TMEM245: variants seen among roughly 807,000 people sequenced by gnomAD.
The protein encoded by TMEM245 is transmembrane protein 245.
A neutral mutation model predicts 101.2 loss-of-function variants in TMEM245; 69 were observed. The ratio of observed to expected loss-of-function variants is 0.68; its 90% CI spans 0.56 to 0.83. TMEM245 has a LOEUF of 0.83. Among genes scored for constraint, TMEM245 ranks in the 40% least tolerant of loss-of-function variants. TMEM245 has a pLI of 0.00. For synonymous variants in TMEM245, 537 were observed against 449.8 expected, an observed-to-expected ratio of 1.19 and a Z score of -2.45; for missense variants, 1,075 against 1,092.8, an observed-to-expected ratio of 0.98 and a Z score of 0.23.
chr9:109,113,918 C>T (rs7031429), intron 1 of TMEM245, among the ~76,000 whole-genome samples: 22,147 of 152,078 alleles, frequency 0.15, 1,838 homozygotes, highest in African/African-American at 0.2. Flanking sequence ...GGTGGAACCC[C>T]GTCTCTACTA....
At chr9:109,065,601 A>C in intron 9 of TMEM245, among the ~76,000 whole-genome samples, 1 of 152,166 alleles carries the variant, frequency 6.6e-6, no homozygotes, top group South Asian at 2.1e-4. Context: ...TGGCCTCCTC[A>C]TTCTTCTGTT....
chr9:109,042,909 A>C (rs1828360091), intron 14 of TMEM245, among the ~76,000 whole-genome samples: 1 of 139,734 alleles, frequency 7.2e-6, no homozygotes, highest in African/African-American at 2.7e-5. Context: ...GCAGTGGTGC[A>C]ATCCTGGCTC....
Position 109,019,215 on chromosome 9 carries a change from G to C in TMEM245, c.*1245C>G, listed in dbSNP as rs1044905. On this transcript the variant is annotated 3_prime_UTR_variant, in exon 18 of 18. Coordinates refer to ENST00000374586, the MANE Select transcript of TMEM245 (RefSeq NM_032012.4). ...ACAAATGGATAGCAACACCAATCTCGTAACACTGGGAAAACTGCATACAAT... is the reference window on the plus strand; with the variant it reads ...ACAAATGGATAGCAACACCAATCTCCTAACACTGGGAAAACTGCATACAAT... 2.0e-5 allele frequency: 3 copies of C among 151,994 alleles called. No homozygotes were observed. The highest frequency in any genetic ancestry group is 1.3e-4 in the Admixed American group (2 of 15,262). The allele number at this position is 151,994 out of a possible 1,614,324, so 9.4% of individuals were successfully genotyped here.
rs974410071 is a variant in TMEM245 at position 109,057,267 on chromosome 9, T to C, written c.1778A>G (p.Asn593Ser). ...GTCCAGAATGTCTCCCAGCCAGCTA[T>C]TCTGACGACTGACATGCAACTTCTG... ...KGQKLHVSRQ[N>S]SWLGDILDWQ... Residue 593 changes from asparagine (N) to serine (S), a missense_variant, in exon 12 of 18, where the codon AAT (asparagine) becomes AGT (serine). Asn to Ser is a conservative substitution (Grantham distance 46, BLOSUM62 1). Transcript: ENST00000374586. 8.7e-6 allele frequency: 14 copies of C among 1,614,046 alleles called. No individual in the cohort carries two copies. Among genetic ancestry groups the C allele is most frequent in the Non-Finnish European group, 1.2e-5 (14 of 1,180,002 alleles).
At chr9:109,039,736 G>C (rs1035053911) in intron 14 of TMEM245, among the ~76,000 whole-genome samples, 1 of 152,082 alleles carries the variant, frequency 6.6e-6, no homozygotes, top group African/African-American at 2.4e-5. Flanking sequence ...GAGAGGTAAT[G>C]AAATCATTTC....
At chr9:109,072,341 C>T (rs572846525) in intron 9 of TMEM245, among the ~76,000 whole-genome samples, 1 of 152,348 alleles carries the variant, frequency 6.6e-6, no homozygotes, top group South Asian at 2.1e-4. Flanking sequence ...TAAAGATATG[C>T]TGTTTGAGCA....
chr9:109,042,799 T>G (rs1230674351), intron 14 of TMEM245, among the ~76,000 whole-genome samples: 1 of 151,874 alleles, frequency 6.6e-6, no homozygotes, highest in Non-Finnish European at 1.5e-5. Flanking sequence ...TTTTTTAACT[T>G]TTCTTCTTTC....
At chr9:109,097,132 C>A (rs1830162229) in intron 3 of TMEM245, among the ~76,000 whole-genome samples, 1 of 152,144 alleles carries the variant, frequency 6.6e-6, no homozygotes, top group Non-Finnish European at 1.5e-5. Context: ...TTGAAAGATG[C>A]CATCCTTTAA....
Position 109,119,388 on chromosome 9 carries a change from C to G in TMEM245, c.526G>C (p.Val176Leu), listed in dbSNP as rs943360210. Residue 176 changes from valine (V) to leucine (L), a missense_variant, in exon 1 of 18, where the codon GTG becomes CTG. Val to Leu is a conservative substitution (Grantham distance 32, BLOSUM62 1). Coordinates refer to ENST00000374586, the MANE Select transcript of TMEM245 (RefSeq NM_032012.4). The part of the protein sequence containing the change: ...GSYLGVQVLL[V>L]HAATLICRGL... ...CGGCAGATGAGCGTGGCAGCGTGCACCAGCAGCACCTGCACGCCCAAGTAG... is the reference window on the plus strand; with the variant it reads ...CGGCAGATGAGCGTGGCAGCGTGCAGCAGCAGCACCTGCACGCCCAAGTAG... 12 of 1,528,952 alleles carry G rather than the reference C, an allele frequency of 7.8e-6. No individual in the cohort carries two copies. In the Admixed American group the frequency reaches 2.2e-4, roughly 28 times the overall value. The allele number at this position is 1,528,952 out of a possible 1,614,324, so 94.7% of individuals were successfully genotyped here.
chr9:109,077,118 G>A (rs1420208818), intron 8 of TMEM245, among the ~76,000 whole-genome samples: 1 of 151,322 alleles, frequency 6.6e-6, no homozygotes, highest in Non-Finnish European at 1.5e-5. Context: ...TGTTAATTAG[G>A]TCAAGTTGAC....
intron 17 of TMEM245, among the ~76,000 whole-genome samples, chr9:109,025,742 G>C: frequency 6.8e-6 from 1 of 147,640 alleles, no homozygotes; most frequent in East Asian, 2.1e-4. Context: ...GGGTGTTTTT[G>C]CCTTTCCCTA....
intron 11 of TMEM245, among the ~76,000 whole-genome samples, chr9:109,060,148 A>G (rs1464098224): frequency 6.6e-6 from 1 of 152,240 alleles, no homozygotes; most frequent in East Asian, 1.9e-4. Context: ...AGGATGGAAT[A>G]CTGACGCACC....
intron 11 of TMEM245, among the ~76,000 whole-genome samples, chr9:109,059,722 A>G (rs1344906785): frequency 2.0e-5 from 3 of 151,928 alleles, no homozygotes; most frequent in African/African-American, 7.2e-5. Flanking sequence ...AAAATAAAAG[A>G]TCTCTAAGCG....
At position 109,018,151 on chromosome 9, in the gene TMEM245, C is replaced by T. The variant is rs1027439521; in HGVS notation, c.*2309G>A. 10 of 152,188 alleles carry T rather than the reference C, an allele frequency of 6.6e-5. No homozygotes were observed. Among genetic ancestry groups the T allele is most frequent in the African/African-American group, 1.7e-4 (7 of 41,450 alleles). The allele number at this position is 152,188 out of a possible 1,614,324, so 9.4% of individuals were successfully genotyped here. ...TAGTTTTTTGCAATATCACTTTATACAGCTAAAATCACTTTGTATATGTAT... is the reference window on the plus strand; with the variant it reads ...TAGTTTTTTGCAATATCACTTTATATAGCTAAAATCACTTTGTATATGTAT... On this transcript the variant is annotated 3_prime_UTR_variant, in exon 18 of 18. Transcript: ENST00000374586.
chr9:109,074,419 C>G (rs1423544671), intron 8 of TMEM245, among the ~76,000 whole-genome samples: 4 of 152,118 alleles, frequency 2.6e-5, no homozygotes, highest in Non-Finnish European at 1.5e-5. Context: ...ACCCCATCAC[C>G]CAGGAGCTAC....
chr9:109,073,800 G>T lies in TMEM245; in HGVS notation c.1450-362C>A, dbSNP rs533823279. ...AATATCAGCACTTTGTGAGCTAACAGGTTCATCACGCAGTGTGAGACAAAC... is the reference window on the plus strand; with the variant it reads ...AATATCAGCACTTTGTGAGCTAACATGTTCATCACGCAGTGTGAGACAAAC... On this transcript the variant is annotated intron_variant, in intron 8 of 17. Transcript: ENST00000374586. Among the ~76,000 whole-genome samples, 4 of 151,366 alleles carry T rather than the reference G, an allele frequency of 2.6e-5. No homozygotes were observed. In the East Asian group the frequency reaches 7.7e-4, roughly 29 times the overall value.
intron 16 of TMEM245, among the ~76,000 whole-genome samples, chr9:109,034,614 T>C (rs1340854243): frequency 6.6e-6 from 1 of 151,752 alleles, no homozygotes; most frequent in African/African-American, 2.4e-5. Flanking sequence ...ACCAAACTAA[T>C]CTTTATATTT....
rs145639902 is a variant in TMEM245, at chr9:109,074,462, G to T, written c.1450-1024C>A. Among the ~76,000 whole-genome samples, 134 of 152,212 alleles carry T rather than the reference G, an allele frequency of 8.8e-4. No individual in the cohort carries two copies. In the East Asian group the frequency reaches 0.025, roughly 28 times the overall value. ...AGCTGACAAATATATTACGATTCAC[G>T]AGTAACAGGGAGAAAAGAAGCCACA... On this transcript the variant is annotated intron_variant, in intron 8 of 17. Transcript: ENST00000374586.
In TMEM245 at chr9:109,039,768, A is replaced by G. The variant is rs147844582; in HGVS notation, c.2124-1651T>C. ...TTTCCGTAGTAGGAGGAAAATCACT[A>G]GAGTGCAGTATTCCCGGAGACCAAG... On this transcript the variant is annotated intron_variant, in intron 14 of 17. Transcript: ENST00000374586. 4.0e-3 allele frequency among the ~76,000 whole-genome samples: 604 copies of G among 152,226 alleles called. 7 individuals are homozygous for G. Among genetic ancestry groups the G allele is most frequent in the African/African-American group, 0.013 (538 of 41,540 alleles).
Sources: gnomAD v4.1 joint callset for allele counts (sites outside exome capture counted in the v4.1 genomes callset) on GRCh38, gnomAD v4.1.1 for gene constraint, MANE v1.5 for transcripts, NCBI Gene and HGNC (gene_info 2026-07-23, HGNC 2026-07-21) for gene names.